The following MSH6 variants were observed in gnomAD, a reference collection of about 807,000 sequenced individuals.
MSH6 encodes the protein DNA mismatch repair protein Msh6.
A neutral mutation model predicts 119.1 loss-of-function variants in MSH6; 85 were observed. That is an observed-to-expected ratio of 0.71 (90% CI 0.60 to 0.85). The LOEUF (loss-of-function observed/expected upper bound fraction) is 0.85, where lower values mean the gene tolerates loss of function less well. Ranked by LOEUF, MSH6 falls within the 40% of genes least tolerant of loss-of-function variation. MSH6 has a pLI of 0.00. For missense variants in MSH6, 2,163 were observed against 1,655.3 expected, an observed-to-expected ratio of 1.31 and a Z score of -5.32; for synonymous variants, 830 against 586.9, an observed-to-expected ratio of 1.41 and a Z score of -5.99.
At chr2:47,809,035 T>C (rs921582657), downstream of MSH6, 1 of 597,432 alleles carries the variant, frequency 1.7e-6, no homozygotes, top group Non-Finnish European at 3.0e-6. Context: ...AGTAGATTGA[T>C]GATAAAATTT....
chr2:47,802,065 A>AC (rs1669634086), intron 4 of MSH6, among the ~76,000 whole-genome samples: 1 of 152,238 alleles, frequency 6.6e-6, no homozygotes, highest in Non-Finnish European at 1.5e-5. Flanking sequence ...GTGCTTTGTT[A>AC]CACTATCTGT....
chr2:47,799,676 C>T lies in MSH6; in HGVS notation c.1693C>T (p.Leu565=), dbSNP rs1168297520. The T allele has an allele frequency of 6.2e-7, 1 of 1,614,146 alleles. No individual in the cohort carries two copies. The highest frequency in any genetic ancestry group is 1.3e-5 in the African/African-American group (1 of 75,022). The change falls in exon 4 of 10, where the codon CTG becomes TTG. Residue 565 remains leucine, a synonymous_variant. Coordinates refer to ENST00000234420, the MANE Select transcript of MSH6 (RefSeq NM_000179.3). ...TGGTGTGTGCTTTGTTGATACTTCA[C>T]TGGGAAAGTTTTTCATAGGTCAGTT... ...AYGVCFVDTS[L]GKFFIGQFSD...
chr2:47,805,535 T>C, intron 6 of MSH6, 83 bp from the exon 7 acceptor site: 2 of 922,208 alleles, frequency 2.2e-6, no homozygotes, highest in Admixed American at 1.7e-5. Flanking sequence ...GTGTAGCTCA[T>C]GATAGCTATA....
downstream of MSH6, chr2:47,809,416 G>C (rs1670458564): frequency 1.2e-5 from 8 of 686,264 alleles, no homozygotes; most frequent in Admixed American, 1.3e-4. Context: ...AATCAGCTAA[G>C]AATAGAATTT....
At position 47,799,604 on chromosome 2, in the gene MSH6, A is replaced by C. The variant is rs587779778; in HGVS notation, c.1621A>C (p.Ser541Arg). ...TGAGAACTACAGTAAGTATCTTCTT[A>C]GCCTCAAAGAAAAAGAGGAAGATTC... Reference protein sequence around the residue: ...PSENYSKYLLSLKEKEEDSSG... With the variant: ...PSENYSKYLLRLKEKEEDSSG... Residue 541 changes from serine (S) to arginine (R), a missense_variant, in exon 4 of 10, where the codon AGC becomes CGC. Ser to Arg is a moderately radical substitution (Grantham distance 110). Transcript: ENST00000234420. The C allele has an allele frequency of 6.2e-7, 1 of 1,614,190 alleles. No homozygotes were observed. The highest frequency in any genetic ancestry group is 8.5e-7 in the Non-Finnish European group (1 of 1,180,028).
Position 47,806,391 on chromosome 2 carries a change from GTTTT to G in MSH6, c.3801+36_3801+39del, listed in dbSNP as rs768767914. 281 of 1,612,810 alleles carry G rather than the reference GTTTT, an allele frequency of 1.7e-4. 1 individual carries two copies. The highest frequency in any genetic ancestry group is 6.7e-5 in the Admixed American group (4 of 59,918). ...CAAATTGTTTTTTTCCACAAATTCGGTTTTTTGAGAGGGCACTTCTCTTGCTAGC... is the reference window on the plus strand; with the variant it reads ...CAAATTGTTTTTTTCCACAAATTCGGTTGAGAGGGCACTTCTCTTGCTAGC... On this transcript the variant is annotated intron_variant, in intron 8 of 9. Coordinates refer to ENST00000234420, the MANE Select transcript of MSH6 (RefSeq NM_000179.3).
rs201613780 is a variant in MSH6, at chr2:47,799,805, A to G, written c.1822A>G (p.Ile608Val). 100 of 1,614,126 alleles carry G rather than the reference A, an allele frequency of 6.2e-5. No individual in the cohort carries two copies. Among genetic ancestry groups the G allele is most frequent in the Non-Finnish European group, 7.7e-5 (91 of 1,180,042 alleles). ...KGNLSKETKTILKSSLSCSLQ... is the reference protein window; with the variant it reads ...KGNLSKETKTVLKSSLSCSLQ... The stretch of plus-strand genomic sequence containing the variant: ...AAATCTCTCAAAGGAAACTAAAACA[A>G]TTCTAAAGAGTTCATTGTCCTGTTC... The change falls in exon 4 of 10, where the codon ATT (isoleucine) becomes GTT (valine). Residue 608 changes from isoleucine to valine, a missense_variant. Physicochemically the swap from Ile to Val is conservative, Grantham distance 29. Coordinates refer to ENST00000234420, the MANE Select transcript of MSH6 (RefSeq NM_000179.3).
At chr2:47,792,443 G>T (rs901815248) in intron 2 of MSH6, among the ~76,000 whole-genome samples, 9 of 152,160 alleles carry the variant, frequency 5.9e-5, no homozygotes, top group African/African-American at 2.2e-4. Context: ...AAGAGAATTG[G>T]GAAGTTTTGT....
intron 6 of MSH6, among the ~76,000 whole-genome samples, 158 bp downstream of exon 6, chr2:47,805,185 T>C (rs370995923): frequency 2.3e-4 from 34 of 145,408 alleles, no homozygotes; most frequent in Middle Eastern, 3.5e-3. Context: ...CTCTCTCTCT[T>C]TTTTTTTTTT....
Position 47,783,461 on chromosome 2 carries a change from G to T in MSH6, c.228G>T (p.Leu76=). 6.8e-7 allele frequency: 1 copy of T among 1,462,386 alleles called. No individual in the cohort carries two copies. The allele number at this position is 1,462,386 out of a possible 1,614,324, so 90.6% of individuals were successfully genotyped here. A position where few individuals can be genotyped will look rare whatever the true frequency, so the allele number is the denominator to read the frequency against. Residue 76 remains leucine, a synonymous_variant, in exon 1 of 10, where the codon CTG becomes CTT. Coordinates refer to ENST00000234420, the MANE Select transcript of MSH6 (RefSeq NM_000179.3). ...AGGCGAAGAACCTCAACGGAGGGCTGCGGAGATCGGTAGCGCCTGCTGCCC... is the reference window on the plus strand; with the variant it reads ...AGGCGAAGAACCTCAACGGAGGGCTTCGGAGATCGGTAGCGCCTGCTGCCC... ...PPKAKNLNGG[L]RRSVAPAAPT... is the part of the protein sequence containing the mutation.
rs1473349045 is a variant in MSH6, at chr2:47,804,832, A to G, written c.3439-78A>G. Reference sequence around the variant, plus strand: ...GTTTTAGAGTGCCTAGCTCTTACGTAAGGGTTCATAAGAAAGACAAAAGTT... The same window carrying G: ...GTTTTAGAGTGCCTAGCTCTTACGTGAGGGTTCATAAGAAAGACAAAAGTT... On this transcript the variant is annotated intron_variant, in intron 5 of 9. Transcript: ENST00000234420. 4 of 1,072,960 alleles carry G rather than the reference A, an allele frequency of 3.7e-6. No individual in the cohort carries two copies. In the Admixed American group the frequency reaches 5.1e-5, roughly 14 times the overall value. 66.5% of individuals were successfully genotyped at this position (1,072,960 alleles called of 1,614,324 possible). A position where few individuals can be genotyped will look rare whatever the true frequency, so the allele number is the denominator to read the frequency against.
downstream of MSH6, chr2:47,807,997 G>C: frequency 1.1e-6 from 1 of 875,554 alleles, no homozygotes; most frequent in Non-Finnish European, 1.8e-6. Context: ...AACTGACCTT[G>C]TGTATCCATT....
chr2:47,783,789 T>G, intron 1 of MSH6: 1 of 369,158 alleles, frequency 2.7e-6, no homozygotes, highest in Admixed American at 1.1e-4. Context: ...GTGGGGGTGC[T>G]GGGCTAAGGA....
chr2:47,806,034 C>T (rs1003337566), intron 7 of MSH6, among the ~76,000 whole-genome samples, 170 bp from the exon 8 acceptor site: 1 of 152,188 alleles, frequency 6.6e-6, no homozygotes, highest in African/African-American at 2.4e-5. Flanking sequence ...ACCTCACTCC[C>T]CATGGGCTGC....
rs776959327 is a variant in MSH6, at chr2:47,799,445, A to G, written c.1462A>G (p.Thr488Ala). 3.7e-6 allele frequency: 6 copies of G among 1,614,034 alleles called. No homozygotes were observed. Among genetic ancestry groups the G allele is most frequent in the South Asian group, 1.1e-5 (1 of 91,072 alleles). The change falls in exon 4 of 10, where the codon ACT becomes GCT. Residue 488 changes from threonine to alanine, a missense_variant. By Grantham distance (58) the Thr-to-Ala change is moderately conservative. Coordinates refer to ENST00000234420, the MANE Select transcript of MSH6 (RefSeq NM_000179.3). ...AGTAGCACGAGTGGAACAGACTGAGACTCCAGAAATGATGGAGGCACGATG... is the reference window on the plus strand; with the variant it reads ...AGTAGCACGAGTGGAACAGACTGAGGCTCCAGAAATGATGGAGGCACGATG... Reference protein sequence around the residue: ...YKVARVEQTETPEMMEARCRK... With the variant: ...YKVARVEQTEAPEMMEARCRK...
intron 1 of MSH6, 85 bp downstream of exon 1, chr2:47,783,578 TGGG>T: frequency 9.5e-7 from 1 of 1,048,032 alleles, no homozygotes; most frequent in Non-Finnish European, 1.2e-6. Flanking sequence ...CACAGGGGGT[TGGG>T]GGGGTGCACG....
chr2:47,795,462 ATT>A (rs374584843), intron 2 of MSH6, among the ~76,000 whole-genome samples: 9 of 117,076 alleles, frequency 7.7e-5, no homozygotes, highest in African/African-American at 2.1e-4. Flanking sequence ...ACATATATAC[ATT>A]TTTTTTTTTT....
intron 5 of MSH6, 133 bp downstream of exon 5, chr2:47,803,818 C>A: frequency 1.1e-6 from 1 of 920,178 alleles, no homozygotes; most frequent in Non-Finnish European, 1.7e-6. Flanking sequence ...AGGGAAATTA[C>A]TCCCTGTGTT....
rs865819800 is a variant in MSH6, at chr2:47,783,564, C to G, written c.260+71C>G. 4.0e-5 allele frequency: 55 copies of G among 1,364,426 alleles called. 1 individual carries two copies. The Middle Eastern group carries it at 2.4e-3, about 60-fold the overall frequency. 84.5% of individuals were successfully genotyped at this position (1,364,426 alleles called of 1,614,324 possible). The stretch of plus-strand genomic sequence containing the variant: ...GCGCTTGGAACCCGGCGAGGGGAGG[C>G]TCGCACAGGGGGTTGGGGGGGTGCA... On this transcript the variant is annotated intron_variant, in intron 1 of 9. Transcript: ENST00000234420.
Sources: gnomAD v4.1 joint callset for allele counts (sites outside exome capture counted in the v4.1 genomes callset) on GRCh38, gnomAD v4.1.1 for gene constraint, MANE v1.5 for transcripts, NCBI Gene and HGNC (gene_info 2026-07-23, HGNC 2026-07-21) for gene names.